TTBK2: variants seen among roughly 807,000 people sequenced by gnomAD.
TTBK2 encodes tau tubulin kinase 2.
A neutral mutation model predicts 110.8 loss-of-function variants in TTBK2; 28 were observed. The ratio of observed to expected loss-of-function variants is 0.25; its 90% CI spans 0.19 to 0.35. The LOEUF is 0.35. Ranked by LOEUF, TTBK2 falls within the 10% of genes least tolerant of loss-of-function variation. The pLI, the probability that TTBK2 is intolerant of heterozygous loss-of-function variation, is 1.00. For missense variants in TTBK2, 1,369 were observed against 1,500.3 expected, an observed-to-expected ratio of 0.91 and a Z score of 1.45; for synonymous variants, 532 against 527.3, an observed-to-expected ratio of 1.01 and a Z score of -0.12.
chr15:42,906,778 T>A (rs2030425273), intron 1 of TTBK2, among the ~76,000 whole-genome samples: 1 of 152,150 alleles, frequency 6.6e-6, no homozygotes, highest in Non-Finnish European at 1.5e-5. Context: ...ACTATCCATC[T>A]GACAAGGAGT....
chr15:42,763,853 G>C (rs1889227272), intron 13 of TTBK2, among the ~76,000 whole-genome samples: 1 of 152,120 alleles, frequency 6.6e-6, no homozygotes, highest in South Asian at 2.1e-4. Context: ...AAAAGTAAAA[G>C]CTGCTTTTGT....
At chr15:42,816,499 A>C (rs577354029) in intron 7 of TTBK2, among the ~76,000 whole-genome samples, 1 of 152,080 alleles carries the variant, frequency 6.6e-6, no homozygotes. Flanking sequence ...GCAGCTGCAC[A>C]TATCTATTAT....
intron 13 of TTBK2, 125 bp downstream of exon 13, chr15:42,775,010 C>G: frequency 1.1e-6 from 1 of 941,890 alleles, no homozygotes; most frequent in Non-Finnish European, 1.6e-6. Context: ...AGTACAAAAT[C>G]ACTCCCTGGG....
At chr15:42,852,911 T>C (rs1361487915) in intron 3 of TTBK2, among the ~76,000 whole-genome samples, 1 of 152,196 alleles carries the variant, frequency 6.6e-6, no homozygotes, top group Non-Finnish European at 1.5e-5. Flanking sequence ...AAGGATAGAA[T>C]GAAGGGTAAG....
At chr15:42,757,095 TATC>T (rs1250207572) in intron 13 of TTBK2, among the ~76,000 whole-genome samples, 1 of 151,998 alleles carries the variant, frequency 6.6e-6, no homozygotes, top group African/African-American at 2.4e-5. Context: ...CAGGTACTAT[TATC>T]ATTTTTTAAT....
At chr15:42,848,493 CTTT>C (rs773939473) in intron 3 of TTBK2, among the ~76,000 whole-genome samples, 2 of 143,748 alleles carry the variant, frequency 1.4e-5, no homozygotes. Context: ...TATACATATA[CTTT>C]TTTTTTTTTT....
At chr15:42,767,370 G>C (rs1233691393) in intron 13 of TTBK2, among the ~76,000 whole-genome samples, 2 of 151,958 alleles carry the variant, frequency 1.3e-5, no homozygotes, top group African/African-American at 2.4e-5. Flanking sequence ...CCGCTAGCAA[G>C]ACTAATAAAA....
Position 42,811,735 on chromosome 15 carries a change from C to A in TTBK2, c.649G>T (p.Val217Leu). Residue 217 changes from valine to leucine, a missense_variant, in exon 8 of 15, where the codon GTG (valine) becomes TTG (leucine). By Grantham distance (32) the Val-to-Leu change is conservative (BLOSUM62 1). Coordinates refer to ENST00000267890, the MANE Select transcript of TTBK2 (RefSeq NM_173500.4). ...GGCAGCTGACCAACCACAAACTCCA[C>A]CAACATGTAGAATAAGGACCAAAGG... ...DDLWSLFYML[V>L]EFVVGQLPWR... 6.2e-7 allele frequency: 1 copy of A among 1,613,740 alleles called. No individual in the cohort carries two copies. The highest frequency in any genetic ancestry group is 8.5e-7 in the Non-Finnish European group (1 of 1,179,814).
At position 42,767,136 on chromosome 15, in the gene TTBK2, G is replaced by A. The variant is rs528507153; in HGVS notation, c.1998+7999C>T. Among the ~76,000 whole-genome samples, 103 of 152,336 alleles carry A rather than the reference G, an allele frequency of 6.8e-4. No homozygotes were observed. The Middle Eastern group carries it at 0.01, about 15-fold the overall frequency. On this transcript the variant is annotated intron_variant, in intron 13 of 14. Transcript: ENST00000267890. ...ATCTCTGGGACACATTTAAAGCAGT[G>A]TGTAGAGGGAAATTTATAGTACTAA...
intron 14 of TTBK2, among the ~76,000 whole-genome samples, chr15:42,751,657 T>A (rs2140585474): frequency 6.6e-6 from 1 of 152,212 alleles, no homozygotes; most frequent in South Asian, 2.1e-4. Context: ...CAGAAGAGAA[T>A]CTCTTGAACC....
At chr15:42,781,452 T>C (rs938190075) in intron 11 of TTBK2, among the ~76,000 whole-genome samples, 2 of 152,158 alleles carry the variant, frequency 1.3e-5, no homozygotes, top group African/African-American at 2.4e-5. Flanking sequence ...TTTTCTACTT[T>C]CTTGAGGTAG....
Position 42,767,408 on chromosome 15 carries a change from G to A in TTBK2, c.1998+7727C>T, listed in dbSNP as rs976216526. ...GAAAAGAGAGAAGAATCAAATAGAC[G>A]CAATAAAAATGATAAAGGGGATATC... On this transcript the variant is annotated intron_variant, in intron 13 of 14. Coordinates refer to ENST00000267890, the MANE Select transcript of TTBK2 (RefSeq NM_173500.4). Among the ~76,000 whole-genome samples the A allele has an allele frequency of 9.2e-5, 14 of 152,054 alleles. No individual in the cohort carries two copies. In the East Asian group the frequency reaches 1.4e-3, roughly 15 times the overall value.
At chr15:42,897,126 C>T (rs530630685) in intron 1 of TTBK2, among the ~76,000 whole-genome samples, 77 of 152,242 alleles carry the variant, frequency 5.1e-4, no homozygotes, top group African/African-American at 1.8e-3. Context: ...ATTCACCCGC[C>T]TCGGCCTCCC....
intron 13 of TTBK2, among the ~76,000 whole-genome samples, chr15:42,760,402 AAC>A (rs1313893858): frequency 1.0e-4 from 15 of 144,836 alleles, no homozygotes; most frequent in South Asian, 2.1e-4. Context: ...AAAAAAAAAA[AAC>A]AAAAAAAGAA....
intron 3 of TTBK2, among the ~76,000 whole-genome samples, chr15:42,849,971 C>G (rs1048433040): frequency 8.5e-5 from 13 of 152,130 alleles, no homozygotes; most frequent in Admixed American, 7.2e-4. Flanking sequence ...TAACACCACT[C>G]TGCAGAGTAC....
intron 4 of TTBK2, among the ~76,000 whole-genome samples, chr15:42,830,957 A>G (rs907781744): frequency 3.3e-5 from 5 of 151,914 alleles, no homozygotes; most frequent in Admixed American, 2.6e-4. Context: ...GTGAGCCAAG[A>G]TCACGCCACC....
intron 3 of TTBK2, among the ~76,000 whole-genome samples, chr15:42,843,992 C>T (rs1487596373): frequency 1.3e-5 from 2 of 152,066 alleles, no homozygotes; most frequent in African/African-American, 4.8e-5. Flanking sequence ...GCCCCCTGCC[C>T]ACCAAACTAT....
intron 9 of TTBK2, chr15:42,798,277 A>G (rs555928118): frequency 2.2e-6 from 1 of 456,288 alleles, no homozygotes; most frequent in Admixed American, 2.3e-5. Context: ...CAAACTGGAA[A>G]GGGAGAAGGG....
chr15:42,845,669 G>A (rs1893427874), intron 3 of TTBK2, among the ~76,000 whole-genome samples: 1 of 149,804 alleles, frequency 6.7e-6, no homozygotes. Context: ...AAAAGATGGG[G>A]TACTATTTTC....
Sources: gnomAD v4.1 joint callset for allele counts (sites outside exome capture counted in the v4.1 genomes callset) on GRCh38, gnomAD v4.1.1 for gene constraint, MANE v1.5 for transcripts, NCBI Gene and HGNC (gene_info 2026-07-23, HGNC 2026-07-21) for gene names.